The following PLS1 variants were observed in gnomAD, a reference collection of about 807,000 sequenced individuals.
The protein encoded by PLS1 is plastin-1.
A neutral mutation model predicts 73.7 loss-of-function variants in PLS1; 32 were observed. The observed-to-expected ratio is 0.43, with a 90% CI of 0.33 to 0.58. PLS1 has a LOEUF of 0.58. Ranked by LOEUF, PLS1 falls within the 20% of genes least tolerant of loss-of-function variation. The pLI is 0.04. For synonymous variants in PLS1, 217 were observed against 261.3 expected (o/e 0.83, Z 1.63); for missense variants, 633 against 740.5 (o/e 0.85, Z 1.68).
In PLS1 at chr3:142,620,756, T is replaced by A. The variant is rs7609666; in HGVS notation, c.-37+24247T>A. 4.0e-3 allele frequency among the ~76,000 whole-genome samples: 616 copies of A among 152,300 alleles called. 4 individuals carry two copies. The highest frequency in any genetic ancestry group is 0.014 in the African/African-American group (569 of 41,572). The stretch of plus-strand genomic sequence containing the variant: ...CATACAGGCCATGTGCAGTGGCTCA[T>A]GCCTGTAATCACAGCACTTTGGGAG... On this transcript the variant is annotated intron_variant, in intron 1 of 15. Coordinates refer to ENST00000457734, the MANE Select transcript of PLS1 (RefSeq NM_001145319.2).
chr3:142,657,860 A>G (rs1216592425), intron 1 of PLS1, among the ~76,000 whole-genome samples: 3 of 152,200 alleles, frequency 2.0e-5, no homozygotes, highest in Admixed American at 1.3e-4. Context: ...CTCCCACAAT[A>G]ATATTAATTA....
At chr3:142,698,727 A>G (rs1263408848) in intron 12 of PLS1, among the ~76,000 whole-genome samples, 1 of 152,224 alleles carries the variant, frequency 6.6e-6, no homozygotes, top group Non-Finnish European at 1.5e-5. Flanking sequence ...ACTGCATCCA[A>G]TGTAAGAGGA....
intron 1 of PLS1, among the ~76,000 whole-genome samples, chr3:142,614,255 A>C (rs1163813423): frequency 6.6e-6 from 1 of 152,218 alleles, no homozygotes; most frequent in Non-Finnish European, 1.5e-5. Flanking sequence ...CATACCATAT[A>C]ATTTCAGCTC....
At chr3:142,622,849 T>C (rs2036341960) in intron 1 of PLS1, among the ~76,000 whole-genome samples, 1 of 152,232 alleles carries the variant, frequency 6.6e-6, no homozygotes, top group African/African-American at 2.4e-5. Context: ...TTCAGTAAGA[T>C]GTTAGGGTTT....
intron 14 of PLS1, among the ~76,000 whole-genome samples, chr3:142,710,078 A>T (rs558799470): frequency 6.6e-6 from 1 of 152,246 alleles, no homozygotes; most frequent in East Asian, 1.9e-4. Context: ...AACCAAAAGG[A>T]AAGGTGTTGA....
At chr3:142,636,664 T>C (rs2036699809) in intron 1 of PLS1, among the ~76,000 whole-genome samples, 3 of 152,196 alleles carry the variant, frequency 2.0e-5, no homozygotes, top group African/African-American at 7.2e-5. Flanking sequence ...AGAAAACATT[T>C]GCAAAGTATA....
intron 4 of PLS1, among the ~76,000 whole-genome samples, chr3:142,672,475 T>C (rs2037624542): frequency 6.6e-6 from 1 of 151,802 alleles, no homozygotes; most frequent in South Asian, 2.1e-4. Context: ...CCTGAGTAGC[T>C]GGGACTACAG....
intron 1 of PLS1, among the ~76,000 whole-genome samples, chr3:142,641,876 G>A (rs1163697795): frequency 6.6e-6 from 1 of 152,046 alleles, no homozygotes; most frequent in Non-Finnish European, 1.5e-5. Flanking sequence ...TCTGTAGTAT[G>A]TGTTAAGTAT....
rs1441974452 is a variant in PLS1, at chr3:142,705,112, G to A, written c.1629+526G>A. 3.3e-5 allele frequency among the ~76,000 whole-genome samples: 5 copies of A among 152,138 alleles called. No individual in the cohort carries two copies. The East Asian group carries it at 7.7e-4, about 23-fold the overall frequency. ...TTAATTACTAAATTTTTGATTGGTT[G>A]TCCAGTTAAGTATAAATGTAGGTTA... On this transcript the variant is annotated intron_variant, in intron 14 of 15. Coordinates refer to ENST00000457734, the MANE Select transcript of PLS1 (RefSeq NM_001145319.2).
At chr3:142,686,116 G>T (rs2037959345) in intron 8 of PLS1, among the ~76,000 whole-genome samples, 168 bp from the exon 9 acceptor site, 1 of 152,186 alleles carries the variant, frequency 6.6e-6, no homozygotes, top group Non-Finnish European at 1.5e-5. Flanking sequence ...AAGCTCTGAA[G>T]TGTGAAACAG....
chr3:142,647,669 A>AT (rs1189735550), intron 1 of PLS1, among the ~76,000 whole-genome samples: 1 of 151,598 alleles, frequency 6.6e-6, no homozygotes, highest in Non-Finnish European at 1.5e-5. Flanking sequence ...TACCCGGCTA[A>AT]TTTTTTGTAT....
At chr3:142,699,107 G>T (rs1245504033) in intron 12 of PLS1, among the ~76,000 whole-genome samples, 1 of 152,112 alleles carries the variant, frequency 6.6e-6, no homozygotes, top group African/African-American at 2.4e-5. Context: ...GTCAGGGGTT[G>T]GGGGGCAAGG....
intron 1 of PLS1, among the ~76,000 whole-genome samples, chr3:142,628,627 C>T (rs1253389951): frequency 6.6e-6 from 1 of 152,076 alleles, no homozygotes; most frequent in African/African-American, 2.4e-5. Flanking sequence ...GATAATGGCA[C>T]CTGTTACTTA....
At chr3:142,703,248 CAT>C (rs1357770293) in intron 12 of PLS1, among the ~76,000 whole-genome samples, 1 of 151,174 alleles carries the variant, frequency 6.6e-6, no homozygotes, top group Non-Finnish European at 1.5e-5. Context: ...TTTAGGCACA[CAT>C]GTGCCATTAA....
chr3:142,642,001 C>G (rs1411078967), intron 1 of PLS1, among the ~76,000 whole-genome samples: 3 of 152,162 alleles, frequency 2.0e-5, no homozygotes, highest in East Asian at 1.9e-4. Context: ...GAGTGTTGCC[C>G]TACTCTTATG....
intron 6 of PLS1, among the ~76,000 whole-genome samples, chr3:142,681,558 T>C (rs1560066196): frequency 6.6e-6 from 1 of 152,232 alleles, no homozygotes; most frequent in East Asian, 1.9e-4. Flanking sequence ...AGCCTAACCA[T>C]GTACCACTGC....
intron 2 of PLS1, 27 bp downstream of exon 2, chr3:142,664,334 T>C (rs755633871): frequency 2.5e-6 from 3 of 1,194,372 alleles, no homozygotes; most frequent in Non-Finnish European, 3.7e-6. Context: ...GTAAATATGA[T>C]ATTACTGGTC....
In PLS1 at chr3:142,649,458, G is replaced by A. The variant is rs188507303; in HGVS notation, c.-36-14744G>A. On this transcript the variant is annotated intron_variant, in intron 1 of 15. Transcript: ENST00000457734. The stretch of plus-strand genomic sequence containing the variant: ...CGAGACCAGCCATGACCAACATGAT[G>A]AAACCCCATCTCTACTAAAAATACA... Among the ~76,000 whole-genome samples the A allele has an allele frequency of 1.3e-4, 19 of 151,222 alleles. No individual in the cohort carries two copies. In the East Asian group the frequency reaches 3.5e-3, roughly 28 times the overall value.
chr3:142,600,903 TATATATATA>T lies in PLS1; in HGVS notation c.-37+4395_-37+4403del, dbSNP rs1196169459. Among the ~76,000 whole-genome samples, 55 of 32,556 alleles carry T rather than the reference TATATATATA, an allele frequency of 1.7e-3. 1 individual carries two copies. Among genetic ancestry groups the T allele is most frequent in the African/African-American group, 9.7e-3 (48 of 4,974 alleles). 21.4% of individuals were successfully genotyped at this position (32,556 alleles called of 152,430 possible). On this transcript the variant is annotated intron_variant, in intron 1 of 15. Transcript: ENST00000457734. The stretch of plus-strand genomic sequence containing the variant: ...ATATATATATATATATATATATATA[TATATATATA>T]TATATTTTTTTTTTTTTTTTTTTTT...
Sources: allele counts gnomAD v4.1 joint callset (sites outside exome capture counted in the v4.1 genomes callset), GRCh38; gene constraint gnomAD v4.1.1; transcripts MANE v1.5; gene names NCBI Gene and HGNC (gene_info 2026-07-23, HGNC 2026-07-21).